Variants in SHCBP1 observed in about 807,000 individuals in gnomAD.
SHCBP1 encodes the protein SHC SH2 domain-binding protein 1.
Under a neutral mutation model 75.1 loss-of-function variants are expected in SHCBP1, and 60 were observed. That is an observed-to-expected ratio of 0.80 (90% confidence interval 0.65 to 0.99). SHCBP1 has a LOEUF of 0.99. Ranked by LOEUF, SHCBP1 falls within the 50% of genes least tolerant of loss-of-function variation. SHCBP1 has a pLI of 0.00. For missense variants in SHCBP1, 709 were observed against 809.4 expected, an observed-to-expected ratio of 0.88 and a Z score of 1.50; for synonymous variants, 290 against 293.2, an observed-to-expected ratio of 0.99 and a Z score of 0.11.
intron 5 of SHCBP1, among the ~76,000 whole-genome samples, chr16:46,607,631 A>C (rs148245332): frequency 6.6e-6 from 1 of 152,300 alleles, no homozygotes; most frequent in African/African-American, 2.4e-5. Flanking sequence ...ATTTTTTTGG[A>C]GTGCAATTTA....
rs1964850624 is a variant in SHCBP1, at chr16:46,580,266, T to C, written c.*1463A>G. Among the ~76,000 whole-genome samples, 1 of 152,100 alleles carries C rather than the reference T, an allele frequency of 6.6e-6. No homozygotes were observed. The highest frequency in any genetic ancestry group is 2.1e-4 in the South Asian group (1 of 4,828). ...GCTGAAACTGATGCAGAAATGAACA[T>C]TACTTTTTAAACCTCCTTGCAACAA... On this transcript the variant is annotated 3_prime_UTR_variant, in exon 13 of 13. Transcript: ENST00000303383.
At position 46,581,561 on chromosome 16, in the gene SHCBP1, G is replaced by T; in HGVS notation, c.*168C>A. On this transcript the variant is annotated 3_prime_UTR_variant, in exon 13 of 13. Transcript: ENST00000303383. ...ATTTATGATTTTTCTTATAAAGAGG[G>T]AGTGTTTTATGTGCAACACCTGCAA... is the stretch of plus-strand genomic sequence containing the variant. The T allele has an allele frequency of 1.7e-6, 1 of 588,734 alleles. No homozygotes were observed. Among genetic ancestry groups the T allele is most frequent in the South Asian group, 2.5e-5 (1 of 39,488 alleles). 36.5% of individuals were successfully genotyped at this position (588,734 alleles called of 1,614,324 possible). A position where few individuals can be genotyped will look rare whatever the true frequency, so the allele number is the denominator to read the frequency against.
chr16:46,617,108 T>G (rs373896839), intron 3 of SHCBP1, among the ~76,000 whole-genome samples: 3 of 152,282 alleles, frequency 2.0e-5, no homozygotes, highest in East Asian at 1.9e-4. Context: ...AGAAGAAGAA[T>G]AAGACTGTTT....
rs1363980445 is a variant in SHCBP1 at position 46,616,022 on chromosome 16, G to A, written c.520C>T (p.Pro174Ser). The A allele has an allele frequency of 9.3e-6, 15 of 1,614,162 alleles. No homozygotes were observed. Among genetic ancestry groups the A allele is most frequent in the Non-Finnish European group, 1.1e-5 (13 of 1,180,020 alleles). The change falls in exon 4 of 13, where the codon CCC becomes TCC. Residue 174 changes from proline (P) to serine (S), a missense_variant. Coordinates refer to ENST00000303383, the MANE Select transcript of SHCBP1 (RefSeq NM_024745.5). The surrounding 1 kb of genome is among the most constrained non-coding windows in gnomAD (Gnocchi z 4.4). Reference sequence around the variant, plus strand: ...AACACCACCCACAGCTCCTGCAGGGGCAACCGATGCTCCTTCAGATCAAGG... The same window carrying A: ...AACACCACCCACAGCTCCTGCAGGGACAACCGATGCTCCTTCAGATCAAGG... ...ELLDLKEHRLPLQELWVVFDD... is the reference protein window; with the variant it reads ...ELLDLKEHRLSLQELWVVFDD...
Position 46,583,613 on chromosome 16 carries a change from C to G in SHCBP1, c.1596G>C (p.Val532=), listed in dbSNP as rs745859880. The part of the protein sequence containing the change: ...EHYDIPKISM[V]NNIIHNNEGY... ...CTTCATTATTATGTATTATATTATTCACCATGGATATCTTGGGAATGTCAT... is the reference window on the plus strand; with the variant it reads ...CTTCATTATTATGTATTATATTATTGACCATGGATATCTTGGGAATGTCAT... Residue 532 remains valine (V), a synonymous_variant, in exon 12 of 13, where the codon GTG becomes GTC. Coordinates refer to ENST00000303383, the MANE Select transcript of SHCBP1 (RefSeq NM_024745.5). 1.2e-6 allele frequency: 2 copies of G among 1,608,332 alleles called. No individual in the cohort carries two copies. Among genetic ancestry groups the G allele is most frequent in the South Asian group, 2.2e-5 (2 of 89,034 alleles).
chr16:46,618,256 T>G lies in SHCBP1; in HGVS notation c.220A>C (p.Asn74His). Residue 74 changes from asparagine to histidine, a missense_variant, in exon 2 of 13, where the codon AAT becomes CAT. Transcript: ENST00000303383. ...AATCGCTCATAGAACAAAAGTTGAT[T>G]TGTTTGGAAAATTTCTGGGAAAAAG... is the stretch of plus-strand genomic sequence containing the variant. ...KTFFPEIFQTNQLLFYERFRA... is the reference protein window; with the variant it reads ...KTFFPEIFQTHQLLFYERFRA... 6.2e-7 allele frequency: 1 copy of G among 1,613,510 alleles called. No individual in the cohort carries two copies. The highest frequency in any genetic ancestry group is 8.5e-7 in the Non-Finnish European group (1 of 1,179,852).
chr16:46,585,088 T>A (rs1964936073), intron 10 of SHCBP1, among the ~76,000 whole-genome samples: 1 of 152,196 alleles, frequency 6.6e-6, no homozygotes, highest in South Asian at 2.1e-4. Context: ...AAAAAGATTT[T>A]GGGGCGACTA....
At chr16:46,609,737 C>T (rs183155583) in intron 4 of SHCBP1, among the ~76,000 whole-genome samples, 42 of 152,128 alleles carry the variant, frequency 2.8e-4, no homozygotes, top group Admixed American at 2.5e-3. Flanking sequence ...CAGGCATGAG[C>T]CACCGTGCCC....
In SHCBP1 at chr16:46,581,544, T is replaced by C. The variant is rs1284587136; in HGVS notation, c.*185A>G. 1 of 563,420 alleles carries C rather than the reference T, an allele frequency of 1.8e-6. No individual in the cohort carries two copies. The highest frequency in any genetic ancestry group is 3.0e-5 in the East Asian group (1 of 33,720). 34.9% of individuals were successfully genotyped at this position (563,420 alleles called of 1,614,324 possible). A position where few individuals can be genotyped will look rare whatever the true frequency, so the allele number is the denominator to read the frequency against. On this transcript the variant is annotated 3_prime_UTR_variant, in exon 13 of 13. Coordinates refer to ENST00000303383, the MANE Select transcript of SHCBP1 (RefSeq NM_024745.5). ...TTTTCTATTTTATATGCATTTATGA[T>C]TTTTCTTATAAAGAGGGAGTGTTTT... is the stretch of plus-strand genomic sequence containing the variant.
At chr16:46,620,677 A>G (rs2143002797) in intron 1 of SHCBP1, 1 of 152,312 alleles carries the variant, frequency 6.6e-6, no homozygotes, top group Admixed American at 6.5e-5. Context: ...ACGTAAAAAC[A>G]TGAACCAGCT....
intron 10 of SHCBP1, among the ~76,000 whole-genome samples, chr16:46,588,544 C>T (rs1363639107): frequency 6.6e-6 from 1 of 152,182 alleles, no homozygotes; most frequent in East Asian, 1.9e-4. Context: ...CTATAAACAC[C>T]TCTATGCAAA....
At position 46,619,903 on chromosome 16, in the gene SHCBP1, C is replaced by T. The variant is rs1448545669; in HGVS notation, c.103+1354G>A. On this transcript the variant is annotated intron_variant, in intron 1 of 12. Transcript: ENST00000303383. Reference sequence around the variant, plus strand: ...TACAAAAATTAGCTGGGTGTGGTGGCGGGCGCCTATAATCCCAGCTACTTG... The same window carrying T: ...TACAAAAATTAGCTGGGTGTGGTGGTGGGCGCCTATAATCCCAGCTACTTG... Among the ~76,000 whole-genome samples, 6 of 152,104 alleles carry T rather than the reference C, an allele frequency of 3.9e-5. No homozygotes were observed. The East Asian group carries it at 7.7e-4, about 20-fold the overall frequency.
At chr16:46,585,644 T>C (rs989196003) in intron 10 of SHCBP1, among the ~76,000 whole-genome samples, 1 of 152,134 alleles carries the variant, frequency 6.6e-6, no homozygotes, top group African/African-American at 2.4e-5. Flanking sequence ...CCAACCACAG[T>C]TGCAAGGCCC....
chr16:46,600,929 G>A (rs1018635570), intron 8 of SHCBP1, among the ~76,000 whole-genome samples: 1 of 152,138 alleles, frequency 6.6e-6, no homozygotes, highest in Non-Finnish European at 1.5e-5. Flanking sequence ...AGAATTGCTT[G>A]AACCTGGGAG....
intron 5 of SHCBP1, among the ~76,000 whole-genome samples, chr16:46,607,574 G>T (rs1002631942): frequency 5.3e-5 from 8 of 151,898 alleles, no homozygotes; most frequent in African/African-American, 1.9e-4. Flanking sequence ...TCAAACGGGG[G>T]GAAAAAAATC....
intron 10 of SHCBP1, among the ~76,000 whole-genome samples, chr16:46,586,268 G>A (rs1964953401): frequency 6.6e-6 from 1 of 152,144 alleles, no homozygotes; most frequent in Non-Finnish European, 1.5e-5. Context: ...CAAAGAAGTA[G>A]ATGATATAAA....
In SHCBP1 at chr16:46,581,569, T is replaced by C. The variant is rs1426180793; in HGVS notation, c.*160A>G. ...TTTTTCTTATAAAGAGGGAGTGTTT[T>C]ATGTGCAACACCTGCAAATGGAAAT... On this transcript the variant is annotated 3_prime_UTR_variant, in exon 13 of 13. Transcript: ENST00000303383. The C allele has an allele frequency of 3.1e-6, 2 of 640,518 alleles. No homozygotes were observed. The highest frequency in any genetic ancestry group is 3.2e-5 in the Admixed American group (1 of 31,650). 39.7% of individuals were successfully genotyped at this position (640,518 alleles called of 1,614,324 possible).
Position 46,579,644 on chromosome 16 carries a change from A to G in SHCBP1, c.*2085T>C, listed in dbSNP as rs1191235607. Among the ~76,000 whole-genome samples, 6 of 152,148 alleles carry G rather than the reference A, an allele frequency of 3.9e-5. No individual in the cohort carries two copies. The highest frequency in any genetic ancestry group is 1.4e-4 in the African/African-American group (6 of 41,438). The stretch of plus-strand genomic sequence containing the variant: ...GTGAAACCCCATATCTACTAAAAAT[A>G]CAAAAAAAAGGCCAGGCACGTGGCT... On this transcript the variant is annotated 3_prime_UTR_variant, in exon 13 of 13. Coordinates refer to ENST00000303383, the MANE Select transcript of SHCBP1 (RefSeq NM_024745.5).
chr16:46,583,749 A>G, intron 11 of SHCBP1, 92 bp from the exon 12 acceptor site: 2 of 1,454,386 alleles, frequency 1.4e-6, no homozygotes, highest in Non-Finnish European at 1.9e-6. Flanking sequence ...CTAAAAATAA[A>G]AGGAAAAAGC....
Sources: gnomAD v4.1 joint callset for allele counts (sites outside exome capture counted in the v4.1 genomes callset) on GRCh38, gnomAD v4.1.1 for gene constraint, Gnocchi (gnomAD v3.1) non-coding constraint, MANE v1.5 for transcripts, NCBI Gene and HGNC (gene_info 2026-07-23, HGNC 2026-07-21) for gene names.